DNM2: variants seen among roughly 807,000 people sequenced by gnomAD.
DNM2 encodes the protein dynamin-2.
DNM2 carries 15 observed loss-of-function variants against 99.0 expected under a neutral mutation model. That is an observed-to-expected ratio of 0.15 (90% CI 0.10 to 0.23). The LOEUF (loss-of-function observed/expected upper bound fraction) is 0.23. Among genes scored for constraint, DNM2 ranks in the 10% least tolerant of loss-of-function variants. The pLI is 1.00. For missense variants in DNM2, 742 were observed against 1,189.4 expected, an observed-to-expected ratio of 0.62 and a Z score of 5.53; for synonymous variants, 525 against 481.2, an observed-to-expected ratio of 1.09 and a Z score of -1.19.
At chr19:10,826,674 C>T (rs1408971958) in intron 18 of DNM2, among the ~76,000 whole-genome samples, 1 of 152,014 alleles carries the variant, frequency 6.6e-6, no homozygotes, top group Non-Finnish European at 1.5e-5. Flanking sequence ...TCACTTGAGC[C>T]CAGGAGCTGA....
chr19:10,800,013 C>T (rs1178755423), intron 11 of DNM2, among the ~76,000 whole-genome samples: 8 of 151,402 alleles, frequency 5.3e-5, no homozygotes, highest in African/African-American at 1.7e-4. Flanking sequence ...TGAGCTACCA[C>T]GCCTGGCTAA....
intron 13 of DNM2, among the ~76,000 whole-genome samples, chr19:10,807,683 C>T (rs546212566): frequency 6.8e-6 from 1 of 146,714 alleles, no homozygotes; most frequent in South Asian, 2.2e-4. Context: ...TGAGTAGCGA[C>T]GATTACAGGA....
chr19:10,792,919 T>A (rs941756232), intron 7 of DNM2, among the ~76,000 whole-genome samples: 10 of 152,024 alleles, frequency 6.6e-5, no homozygotes, highest in East Asian at 1.9e-4. Flanking sequence ...ATATATATAT[T>A]TTTTAATAAA....
intron 1 of DNM2, among the ~76,000 whole-genome samples, chr19:10,727,866 C>T (rs530108342): frequency 4.8e-4 from 73 of 152,212 alleles, no homozygotes; most frequent in South Asian, 1.7e-3. Context: ...TCATGTAAAC[C>T]GTAATTTACT....
intron 13 of DNM2, 66 bp from the exon 14 acceptor site, chr19:10,808,503 T>G: frequency 6.3e-7 from 1 of 1,583,428 alleles, no homozygotes; most frequent in Non-Finnish European, 8.6e-7. Context: ...TCACGTCCCT[T>G]CCATCTCTTT....
chr19:10,823,758 T>C (rs1212143356), intron 16 of DNM2, 30 bp from the exon 17 acceptor site: 2 of 1,601,660 alleles, frequency 1.2e-6, no homozygotes, highest in Non-Finnish European at 8.6e-7. Context: ...AGGGTCAAGC[T>C]TGTGCCCCTC....
At chr19:10,826,625 C>T (rs914757739) in intron 18 of DNM2, among the ~76,000 whole-genome samples, 1 of 152,098 alleles carries the variant, frequency 6.6e-6, no homozygotes, top group Admixed American at 6.6e-5. Context: ...GTGGCTCATG[C>T]CTGTAATCCC....
In DNM2 at chr19:10,764,266, G is replaced by A. The variant is rs1257201237; in HGVS notation, c.235+4455G>A. Among the ~76,000 whole-genome samples, 1 of 152,150 alleles carries A rather than the reference G, an allele frequency of 6.6e-6. No homozygotes were observed. Among genetic ancestry groups the A allele is most frequent in the African/African-American group, 2.4e-5 (1 of 41,430 alleles). On this transcript the variant is annotated intron_variant, in intron 2 of 20. Transcript: ENST00000389253. This position sits in a 1 kb window ranked among gnomAD's most constrained non-coding sequence, Gnocchi z 4.1. Reference sequence around the variant, plus strand: ...GTAAAATGGGGGTGATGGTGGCGCTGCCATCGTGGCCATGGCACCCCATTG... The same window carrying A: ...GTAAAATGGGGGTGATGGTGGCGCTACCATCGTGGCCATGGCACCCCATTG...
chr19:10,728,439 T>C (rs1218064827), intron 1 of DNM2, among the ~76,000 whole-genome samples: 1 of 152,126 alleles, frequency 6.6e-6, no homozygotes, highest in Non-Finnish European at 1.5e-5. Flanking sequence ...GGCCTGACTC[T>C]TGAGAGCAGG....
At chr19:10,828,152 T>TG (rs1222375385) in intron 18 of DNM2, among the ~76,000 whole-genome samples, 1 of 150,222 alleles carries the variant, frequency 6.7e-6, no homozygotes, top group African/African-American at 2.5e-5. Flanking sequence ...AGCCGGGGGT[T>TG]GGGGGGCACG....
chr19:10,741,330 C>T (rs1395723717), intron 1 of DNM2, among the ~76,000 whole-genome samples: 2 of 151,976 alleles, frequency 1.3e-5, no homozygotes, highest in African/African-American at 4.8e-5. Flanking sequence ...CTCCTGGGCT[C>T]ACATGATCCT....
intron 1 of DNM2, among the ~76,000 whole-genome samples, chr19:10,729,563 C>T (rs2069239236): frequency 6.6e-6 from 1 of 152,104 alleles, no homozygotes; most frequent in Admixed American, 6.6e-5. Context: ...ACACACCCGG[C>T]CCGCTGAGTG....
In DNM2 at chr19:10,754,413, T is replaced by C. The variant is rs540566120; in HGVS notation, c.162-5325T>C. Among the ~76,000 whole-genome samples the C allele has an allele frequency of 6.6e-5, 10 of 151,280 alleles. No homozygotes were observed. In the South Asian group the frequency reaches 2.1e-3, roughly 32 times the overall value. ...GACTACAGGCACCCTCCACCTCGCC[T>C]GGCTAATTTTTTGTATTTTAGTAGA... On this transcript the variant is annotated intron_variant, in intron 1 of 20. Transcript: ENST00000389253.
At chr19:10,776,357 C>A (rs374379479) in intron 4 of DNM2, among the ~76,000 whole-genome samples, 1 of 152,182 alleles carries the variant, frequency 6.6e-6, no homozygotes, top group African/African-American at 2.4e-5. Flanking sequence ...TATTTCCCTT[C>A]GAGTTGACAC....
intron 1 of DNM2, among the ~76,000 whole-genome samples, chr19:10,729,189 AAT>A (rs58702027): frequency 6.9e-6 from 1 of 145,868 alleles, no homozygotes; most frequent in African/African-American, 2.6e-5. Flanking sequence ...AAAAAAAAAA[AAT>A]ATAAAAAATT....
intron 12 of DNM2, among the ~76,000 whole-genome samples, chr19:10,802,804 C>T (rs1249908970): frequency 1.3e-5 from 2 of 152,208 alleles, no homozygotes; most frequent in Non-Finnish European, 2.9e-5. Flanking sequence ...TCAAGGCATA[C>T]ACTGTAGATT....
At position 10,831,603 on chromosome 19, in the gene DNM2, C is replaced by T; in HGVS notation, c.*556C>T. 1 of 986,062 alleles carries T rather than the reference C, an allele frequency of 1.0e-6. No homozygotes were observed. Among genetic ancestry groups the T allele is most frequent in the Non-Finnish European group, 1.2e-6 (1 of 830,096 alleles). 61.1% of individuals were successfully genotyped at this position (986,062 alleles called of 1,614,324 possible). On this transcript the variant is annotated 3_prime_UTR_variant, in exon 21 of 21. Coordinates refer to ENST00000389253, the MANE Select transcript of DNM2 (RefSeq NM_001005361.3). The surrounding 1 kb of genome is among the most constrained non-coding windows in gnomAD (Gnocchi z 4.3). The stretch of plus-strand genomic sequence containing the variant: ...ACCACACAGCCTGAGCCTGGCCCAG[C>T]CTCGGCTGCCAGAGGTGCCTTTGCT...
rs1210171530 is a variant in DNM2, at chr19:10,802,376, C to T, written c.1493+18C>T. ...TTTGCCAAGTAGGTACTTTTAGAGACTGGCTGGTCGGGCGGCACCAATCCT... is the reference window on the plus strand; with the variant it reads ...TTTGCCAAGTAGGTACTTTTAGAGATTGGCTGGTCGGGCGGCACCAATCCT... On this transcript the variant is annotated intron_variant, in intron 12 of 20. Coordinates refer to ENST00000389253, the MANE Select transcript of DNM2 (RefSeq NM_001005361.3). 1 of 1,613,940 alleles carries T rather than the reference C, an allele frequency of 6.2e-7. No homozygotes were observed.
chr19:10,795,231 T>G lies in DNM2; in HGVS notation c.1129-141T>G. On this transcript the variant is annotated intron_variant, in intron 8 of 20. Coordinates refer to ENST00000389253, the MANE Select transcript of DNM2 (RefSeq NM_001005361.3). The surrounding 1 kb of genome is among the most constrained non-coding windows in gnomAD (Gnocchi z 4.2). ...CCACTGTATCTGGCCAGTTTTCAATTTTTTAAATAAAATTTTGACGAGTTA... is the reference window on the plus strand; with the variant it reads ...CCACTGTATCTGGCCAGTTTTCAATGTTTTAAATAAAATTTTGACGAGTTA... The G allele has an allele frequency of 1.2e-6, 1 of 821,804 alleles. No homozygotes were observed. The highest frequency in any genetic ancestry group is 1.4e-5 in the South Asian group (1 of 70,500). The allele number at this position is 821,804 out of a possible 1,614,324, so 50.9% of individuals were successfully genotyped here. A position where few individuals can be genotyped will look rare whatever the true frequency, so the allele number is the denominator to read the frequency against.
Sources: allele counts gnomAD v4.1 joint callset (sites outside exome capture counted in the v4.1 genomes callset), GRCh38; gene constraint gnomAD v4.1.1; non-coding constraint Gnocchi (gnomAD v3.1); transcripts MANE v1.5; gene names NCBI Gene and HGNC (gene_info 2026-07-23, HGNC 2026-07-21).